DENND1A: variants seen among roughly 807,000 people sequenced by gnomAD.
The protein encoded by DENND1A is DENN domain containing 1A, also known as DENN domain-containing protein 1A.
A neutral mutation model predicts 113.7 loss-of-function variants in DENND1A; 51 were observed. The observed-to-expected ratio is 0.45, with a 90% CI of 0.36 to 0.57. The LOEUF (loss-of-function observed/expected upper bound fraction) is 0.57. Among genes scored for constraint, DENND1A ranks in the 20% least tolerant of loss-of-function variants. DENND1A has a pLI of 0.00. For missense variants in DENND1A, 1,258 were observed against 1,395.9 expected, an observed-to-expected ratio of 0.90 and a Z score of 1.57; for synonymous variants, 565 against 570.8, an observed-to-expected ratio of 0.99 and a Z score of 0.14.
At chr9:123,683,026 C>T (rs752934509) in intron 5 of DENND1A, among the ~76,000 whole-genome samples, 2 of 125,766 alleles carry the variant, frequency 1.6e-5, no homozygotes, top group African/African-American at 4.1e-5. Flanking sequence ...CCAGACAATA[C>T]GTCCCCTATC....
At chr9:123,583,480 C>A (rs527814084) in intron 11 of DENND1A, among the ~76,000 whole-genome samples, 2 of 152,240 alleles carry the variant, frequency 1.3e-5, no homozygotes, top group South Asian at 4.2e-4. Context: ...ATCCCCAAGT[C>A]CCAGGAGTGA....
At chr9:123,661,507 A>G (rs1201393468) in intron 8 of DENND1A, among the ~76,000 whole-genome samples, 2 of 152,188 alleles carry the variant, frequency 1.3e-5, no homozygotes, top group African/African-American at 4.8e-5. Flanking sequence ...AAACAGACCA[A>G]CTCCAAAGAA....
intron 13 of DENND1A, among the ~76,000 whole-genome samples, chr9:123,471,204 GAA>G (rs2049389847): frequency 6.6e-6 from 1 of 152,176 alleles, no homozygotes; most frequent in Non-Finnish European, 1.5e-5. Context: ...CGGGAACAGT[GAA>G]AGACACTGCG....
At chr9:123,570,970 C>T (rs2058324546) in intron 12 of DENND1A, among the ~76,000 whole-genome samples, 2 of 152,136 alleles carry the variant, frequency 1.3e-5, no homozygotes. Flanking sequence ...CATATTTTTC[C>T]TCCAAAATCC....
intron 13 of DENND1A, among the ~76,000 whole-genome samples, chr9:123,477,748 AT>A (rs1340471943): frequency 4.0e-5 from 6 of 150,108 alleles, no homozygotes; most frequent in Admixed American, 6.6e-5. Context: ...TTAAAAAAAA[AT>A]AATTAAAAAA....
chr9:123,410,773 A>C (rs2044243023), intron 20 of DENND1A, among the ~76,000 whole-genome samples: 1 of 152,204 alleles, frequency 6.6e-6, no homozygotes, highest in Non-Finnish European at 1.5e-5. Flanking sequence ...GAGGACTAGG[A>C]CACTGGGTTG....
intron 11 of DENND1A, among the ~76,000 whole-genome samples, chr9:123,587,543 T>A (rs2059237588): frequency 1.3e-5 from 2 of 152,188 alleles, no homozygotes; most frequent in South Asian, 4.1e-4. Flanking sequence ...TTTATAGCCC[T>A]ATCTTATCCA....
chr9:123,734,143 AT>A (rs2068389456), intron 5 of DENND1A, among the ~76,000 whole-genome samples: 1 of 152,050 alleles, frequency 6.6e-6, no homozygotes, highest in Non-Finnish European at 1.5e-5. Context: ...TAACATTTTT[AT>A]TTTTTTATGT....
intron 1 of DENND1A, among the ~76,000 whole-genome samples, chr9:123,883,392 A>G (rs1211513014): frequency 6.6e-6 from 1 of 152,230 alleles, no homozygotes; most frequent in Non-Finnish European, 1.5e-5. Flanking sequence ...AAAGATTTCA[A>G]TAAATGATGG....
chr9:123,603,012 A>G (rs942902241), intron 11 of DENND1A, among the ~76,000 whole-genome samples: 2 of 152,272 alleles, frequency 1.3e-5, no homozygotes, highest in African/African-American at 4.8e-5. Context: ...GGATGTAACT[A>G]TGGCTCAGAA....
At chr9:123,858,693 C>T (rs646662) in intron 2 of DENND1A, among the ~76,000 whole-genome samples, 13,113 of 151,970 alleles carry the variant, frequency 0.086, 970 homozygotes, top group African/African-American at 0.2. Flanking sequence ...GTCTGGCACT[C>T]GGAAGTCAGG....
intron 5 of DENND1A, among the ~76,000 whole-genome samples, chr9:123,686,966 A>T (rs755311935): frequency 6.6e-6 from 1 of 152,160 alleles, no homozygotes; most frequent in Admixed American, 6.5e-5. Context: ...TCTCTATAAA[A>T]GTGTCTGGCT....
At chr9:123,429,767 AT>A (rs2045999320) in intron 19 of DENND1A, among the ~76,000 whole-genome samples, 1 of 152,250 alleles carries the variant, frequency 6.6e-6, no homozygotes, top group Non-Finnish European at 1.5e-5. Flanking sequence ...GGGCAATACC[AT>A]TCAGGACATA....
intron 21 of DENND1A, chr9:123,401,494 T>TG: frequency 8.2e-7 from 1 of 1,225,158 alleles, no homozygotes; most frequent in Non-Finnish European, 1.0e-6. Context: ...CGTACCCCTC[T>TG]GTCTCCTTGT....
intron 13 of DENND1A, among the ~76,000 whole-genome samples, chr9:123,477,855 C>T (rs1018462529): frequency 2.0e-5 from 3 of 152,122 alleles, no homozygotes; most frequent in Non-Finnish European, 4.4e-5. Context: ...GCCTCAGTTT[C>T]TCCCAAGGTT....
At chr9:123,679,577 G>C (rs926087454) in intron 5 of DENND1A, among the ~76,000 whole-genome samples, 2 of 152,218 alleles carry the variant, frequency 1.3e-5, no homozygotes, top group African/African-American at 2.4e-5. Context: ...TGAATATCTA[G>C]TGATGGCAGT....
chr9:123,886,513 T>TTTAAAAATTCATACCAATTGAAC (rs1849112941), intron 1 of DENND1A, among the ~76,000 whole-genome samples: 1 of 152,194 alleles, frequency 6.6e-6, no homozygotes, highest in Non-Finnish European at 1.5e-5. Context: ...AGGTGTACCG[T>TTTAAAAATTCATACCAATTGAAC]TTAAAAATTC....
At chr9:123,453,422 C>T (rs1008654835) in intron 16 of DENND1A, among the ~76,000 whole-genome samples, 1 of 152,174 alleles carries the variant, frequency 6.6e-6, no homozygotes, top group African/African-American at 2.4e-5. Context: ...GCTGAAAAGC[C>T]ATGGCGTATG....
chr9:123,825,657 C>A (rs1443316576), intron 2 of DENND1A, among the ~76,000 whole-genome samples: 1 of 152,230 alleles, frequency 6.6e-6, no homozygotes, highest in Non-Finnish European at 1.5e-5. Context: ...GGAGAAAATG[C>A]ATATCTTAAA....
Sources: gnomAD v4.1 joint callset for allele counts (sites outside exome capture counted in the v4.1 genomes callset) on GRCh38, gnomAD v4.1.1 for gene constraint, MANE v1.5 for transcripts, NCBI Gene and HGNC (gene_info 2026-07-23, HGNC 2026-07-21) for gene names.